XKR6: variants seen among roughly 807,000 people sequenced by gnomAD.
XKR6 encodes the protein XK-related protein 6.
In XKR6, 22 loss-of-function variants were observed where a neutral mutation model predicts 56.7. The observed-to-expected ratio is 0.39, with a 90% CI of 0.28 to 0.55. The LOEUF is 0.55. Among genes scored for constraint, XKR6 ranks in the 20% least tolerant of loss-of-function variants. The pLI is 0.66. For synonymous variants in XKR6, 524 were observed against 387.8 expected, an observed-to-expected ratio of 1.35 and a Z score of -4.13; for missense variants, 852 against 889.0, an observed-to-expected ratio of 0.96 and a Z score of 0.53.
At chr8:10,946,223 G>C (rs540928657) in intron 1 of XKR6, among the ~76,000 whole-genome samples, 1 of 152,056 alleles carries the variant, frequency 6.6e-6, no homozygotes, top group African/African-American at 2.4e-5. Context: ...ATGGGGGTGA[G>C]ATCAGCTCTG....
At position 11,040,955 on chromosome 8, in the gene XKR6, G is replaced by A. The variant is rs181540800; in HGVS notation, c.765-116125C>T. Among the ~76,000 whole-genome samples the A allele has an allele frequency of 2.9e-4, 44 of 152,220 alleles. No individual in the cohort carries two copies. The South Asian group carries it at 4.6e-3, about 16-fold the overall frequency. On this transcript the variant is annotated intron_variant, in intron 1 of 2. Coordinates refer to ENST00000416569, the MANE Select transcript of XKR6 (RefSeq NM_173683.4). ...CCAGAAGCAGGTATCTACGTACATCGGGCAGATACTGAAGCAAATGCTTTG... is the reference window on the plus strand; with the variant it reads ...CCAGAAGCAGGTATCTACGTACATCAGGCAGATACTGAAGCAAATGCTTTG...
chr8:10,957,023 T>C (rs953597880), intron 1 of XKR6, among the ~76,000 whole-genome samples: 1 of 152,176 alleles, frequency 6.6e-6, no homozygotes, highest in Non-Finnish European at 1.5e-5. Flanking sequence ...TGATCTTGGA[T>C]TGCTACAACC....
At chr8:11,050,069 G>T (rs1051936419) in intron 1 of XKR6, among the ~76,000 whole-genome samples, 4 of 152,146 alleles carry the variant, frequency 2.6e-5, no homozygotes, top group African/African-American at 9.7e-5. Context: ...CAGTCCTCGG[G>T]GTTTTCACTT....
rs537059395 is a variant in XKR6, at chr8:11,171,133, T to C, written c.764+29443A>G. On this transcript the variant is annotated intron_variant, in intron 1 of 2. Transcript: ENST00000416569. The stretch of plus-strand genomic sequence containing the variant: ...CACAAATGTCAACTGCCTGGTTGGG[T>C]AGAAGGACAGAACTGCTAAGAAAGA... Among the ~76,000 whole-genome samples, 4 of 152,360 alleles carry C rather than the reference T, an allele frequency of 2.6e-5. No homozygotes were observed. The South Asian group carries it at 8.3e-4, about 32-fold the overall frequency.
intron 1 of XKR6, among the ~76,000 whole-genome samples, chr8:11,010,262 C>G (rs73541205): frequency 0.043 from 6,492 of 152,256 alleles, 464 homozygotes; most frequent in African/African-American, 0.15. Flanking sequence ...AGTCCACCCC[C>G]ATGATCCAAT....
At chr8:11,040,216 G>A (rs1247820270) in intron 1 of XKR6, among the ~76,000 whole-genome samples, 1 of 152,002 alleles carries the variant, frequency 6.6e-6, no homozygotes, top group Non-Finnish European at 1.5e-5. Flanking sequence ...TCCTGCCCAA[G>A]GCTCCGGCCC....
chr8:10,951,455 G>C (rs73662654), intron 1 of XKR6, among the ~76,000 whole-genome samples: 4 of 152,318 alleles, frequency 2.6e-5, no homozygotes, highest in African/African-American at 9.6e-5. Flanking sequence ...AGTGAAGACA[G>C]AATCACCGGC....
chr8:11,032,649 C>T (rs2129152484), intron 1 of XKR6, among the ~76,000 whole-genome samples: 1 of 152,302 alleles, frequency 6.6e-6, no homozygotes, highest in African/African-American at 2.4e-5. Flanking sequence ...CCTCCCCAGG[C>T]TCACCAGAGA....
chr8:11,173,247 G>C (rs894305085), intron 1 of XKR6, among the ~76,000 whole-genome samples: 4 of 151,662 alleles, frequency 2.6e-5, no homozygotes, highest in African/African-American at 9.7e-5. Flanking sequence ...AGGAGGCTGA[G>C]GCAGGAGAAT....
chr8:11,144,081 G>C (rs1276060991), intron 1 of XKR6, among the ~76,000 whole-genome samples: 2 of 152,034 alleles, frequency 1.3e-5, no homozygotes, highest in Non-Finnish European at 2.9e-5. Context: ...TTTAACCCTA[G>C]TTACCTCTTT....
At chr8:11,130,925 A>G (rs564557456) in intron 1 of XKR6, among the ~76,000 whole-genome samples, 1 of 152,172 alleles carries the variant, frequency 6.6e-6, no homozygotes, top group East Asian at 1.9e-4. Context: ...CAAATAGTAG[A>G]TTTTATAGTC....
chr8:11,122,616 A>G (rs983221220), intron 1 of XKR6, among the ~76,000 whole-genome samples: 4 of 152,270 alleles, frequency 2.6e-5, no homozygotes, highest in African/African-American at 7.2e-5. Flanking sequence ...TTTAGATATC[A>G]GGCCAATTCT....
intron 1 of XKR6, among the ~76,000 whole-genome samples, chr8:11,048,123 C>T (rs10089082): frequency 0.21 from 32,344 of 152,092 alleles, 4,412 homozygotes; most frequent in African/African-American, 0.38. Context: ...CGCTCAGTCA[C>T]TGCAGCAGCC....
chr8:11,092,060 G>A (rs1798089926), intron 1 of XKR6, among the ~76,000 whole-genome samples: 1 of 152,144 alleles, frequency 6.6e-6, no homozygotes, highest in Admixed American at 6.5e-5. Flanking sequence ...ACTCCATTCT[G>A]CAGTTAAGCA....
intron 1 of XKR6, among the ~76,000 whole-genome samples, chr8:11,142,429 C>G (rs189716955): frequency 2.6e-5 from 4 of 152,310 alleles, no homozygotes; most frequent in Admixed American, 1.3e-4. Context: ...TTAACCCCTC[C>G]AAATCTCATG....
At chr8:11,080,990 A>G (rs1056323763) in intron 1 of XKR6, among the ~76,000 whole-genome samples, 1 of 152,210 alleles carries the variant, frequency 6.6e-6, no homozygotes, top group African/African-American at 2.4e-5. Context: ...AATAATCAAG[A>G]AGAAAACTCA....
At chr8:10,924,903 C>A in intron 1 of XKR6, 73 bp from the exon 2 acceptor site, 2 of 1,491,178 alleles carry the variant, frequency 1.3e-6, no homozygotes, top group South Asian at 1.3e-5. Context: ...TTGCCATCCC[C>A]CTAAAACCAA....
intron 1 of XKR6, among the ~76,000 whole-genome samples, chr8:10,931,572 A>G (rs1003524958): frequency 6.6e-6 from 1 of 152,210 alleles, no homozygotes; most frequent in African/African-American, 2.4e-5. Flanking sequence ...AGATCAGCAG[A>G]ACAGAAGAGT....
intron 1 of XKR6, among the ~76,000 whole-genome samples, chr8:11,122,575 T>C (rs890920087): frequency 5.3e-5 from 8 of 152,318 alleles, no homozygotes; most frequent in African/African-American, 1.2e-4. Context: ...CATTTTTCCA[T>C]TGGCACTCTT....
Sources: allele counts gnomAD v4.1 joint callset (sites outside exome capture counted in the v4.1 genomes callset), GRCh38; gene constraint gnomAD v4.1.1; transcripts MANE v1.5; gene names NCBI Gene and HGNC (gene_info 2026-07-23, HGNC 2026-07-21).